OSTN: variants seen among roughly 807,000 people sequenced by gnomAD.
OSTN encodes osteocrin.
Under a neutral mutation model 12.0 loss-of-function variants are expected in OSTN, and 9 were observed. That is an observed-to-expected ratio of 0.75 (90% CI 0.45 to 1.30). OSTN has a LOEUF of 1.30. OSTN is among the 50% of genes most tolerant of loss of function. OSTN has a pLI of 0.00. For missense variants in OSTN, 148 were observed against 152.3 expected (o/e 0.97, Z 0.15); for synonymous variants, 59 against 56.9 (o/e 1.04, Z -0.16).
chr3:191,238,609 G>C (rs758358558), intron 3 of OSTN, among the ~76,000 whole-genome samples: 1 of 152,216 alleles, frequency 6.6e-6, no homozygotes, highest in Non-Finnish European at 1.5e-5. Flanking sequence ...TATTGACTCA[G>C]TTCCCGAACT....
chr3:191,260,760 A>C (rs1210267780), intron 4 of OSTN, among the ~76,000 whole-genome samples: 1 of 152,160 alleles, frequency 6.6e-6, no homozygotes, highest in African/African-American at 2.4e-5. Context: ...TCAGATGTCA[A>C]GCTCTCCAGG....
Position 191,232,331 on chromosome 3 carries a change from T to TAAAAAAAAAAAAAAAAA in OSTN, c.317+13384_317+13400dup, listed in dbSNP as rs61313474. On this transcript the variant is annotated intron_variant, in intron 3 of 4. Coordinates refer to ENST00000682035, the MANE Select transcript of OSTN (RefSeq NM_198184.2). ...CTGGGTGACAGAGGGAGACTCTGTC[T>TAAAAAAAAAAAAAAAAA]AAAAAAAAAAAAAAAAAAAAAAAAA... Among the ~76,000 whole-genome samples, 12 of 67,486 alleles carry TAAAAAAAAAAAAAAAAA rather than the reference T, an allele frequency of 1.8e-4. 1 individual carries two copies. The highest frequency in any genetic ancestry group is 1.1e-3 in the African/African-American group (12 of 11,378). The allele number at this position is 67,486 out of a possible 152,430, so 44.3% of individuals were successfully genotyped here. A position where few individuals can be genotyped will look rare whatever the true frequency, so the allele number is the denominator to read the frequency against.
chr3:191,229,738 T>C (rs9831326), intron 3 of OSTN: 57,240 of 151,944 alleles, frequency 0.38, 12,881 homozygotes, highest in African/African-American at 0.62. Flanking sequence ...AAGAACTTTA[T>C]GGGAACAAAT....
intron 3 of OSTN, among the ~76,000 whole-genome samples, chr3:191,228,493 C>A (rs1179007057): frequency 1.3e-5 from 2 of 152,098 alleles, no homozygotes; most frequent in Non-Finnish European, 2.9e-5. Context: ...TACTAAAATC[C>A]TGTTTATTTG....
chr3:191,242,288 C>T (rs1241171559), intron 3 of OSTN, among the ~76,000 whole-genome samples: 1 of 152,128 alleles, frequency 6.6e-6, no homozygotes, highest in Non-Finnish European at 1.5e-5. Flanking sequence ...ACAAAAAGGT[C>T]TTTTGGAGAA....
At chr3:191,201,114 T>G (rs1044830547) in intron 1 of OSTN, among the ~76,000 whole-genome samples, 3 of 152,134 alleles carry the variant, frequency 2.0e-5, no homozygotes, top group African/African-American at 7.2e-5. Context: ...TATTTATTTT[T>G]TTTAGCTAGC....
At chr3:191,201,048 C>A (rs983630063) in intron 1 of OSTN, among the ~76,000 whole-genome samples, 2 of 152,082 alleles carry the variant, frequency 1.3e-5, no homozygotes, top group African/African-American at 2.4e-5. Context: ...TTAAATGAAC[C>A]AACTCTCCAA....
In OSTN at chr3:191,241,167, C is replaced by CTTTTTTTTTTTTTTTTTT; in HGVS notation, c.318-8858_318-8841dup. Among the ~76,000 whole-genome samples the CTTTTTTTTTTTTTTTTTT allele has an allele frequency of 1.1e-3, 51 of 46,466 alleles. 21 individuals carry two copies. Among genetic ancestry groups the CTTTTTTTTTTTTTTTTTT allele is most frequent in the Non-Finnish European group, 2.2e-3 (45 of 20,218 alleles). The allele number at this position is 46,466 out of a possible 152,430, so 30.5% of individuals were successfully genotyped here. Reference sequence around the variant, plus strand: ...AAGTTGGTGGAGCTCTGTGCCTTGACTTTTTTTTTTTTTTTTTTTTTTTTT... The same window carrying CTTTTTTTTTTTTTTTTTT: ...AAGTTGGTGGAGCTCTGTGCCTTGACTTTTTTTTTTTTTTTTTTTTTTTTTTTTTTTTTTTTTTTTTTT... On this transcript the variant is annotated intron_variant, in intron 3 of 4. Transcript: ENST00000682035.
chr3:191,218,298 T>C (rs1301349251), intron 2 of OSTN, among the ~76,000 whole-genome samples: 1 of 152,122 alleles, frequency 6.6e-6, no homozygotes, highest in African/African-American at 2.4e-5. Context: ...TCCCCAAAGA[T>C]CTAGCACTCT....
chr3:191,218,763 T>A lies in OSTN; in HGVS notation c.119T>A (p.Val40Asp). 1 of 1,613,846 alleles carries A rather than the reference T, an allele frequency of 6.2e-7. No individual in the cohort carries two copies. The highest frequency in any genetic ancestry group is 8.5e-7 in the Non-Finnish European group (1 of 1,179,908). Residue 40 changes from valine to aspartate, a missense_variant, in exon 3 of 5, where the codon GTC becomes GAC. Coordinates refer to ENST00000682035, the MANE Select transcript of OSTN (RefSeq NM_198184.2). The stretch of plus-strand genomic sequence containing the variant: ...GCCTTATAGGCCTTTGATTCTGGAG[T>A]CATAGATGTGCAGTCAACACCCACA... ...VTTTEAFDSG[V>D]IDVQSTPTVR... is the part of the protein sequence containing the mutation.
intron 2 of OSTN, among the ~76,000 whole-genome samples, chr3:191,214,452 A>C (rs1438491664): frequency 6.6e-6 from 1 of 150,870 alleles, no homozygotes; most frequent in Non-Finnish European, 1.5e-5. Flanking sequence ...AAAAAAAAAA[A>C]AAAAAAAAAA....
At chr3:191,230,180 A>C (rs563315138) in intron 3 of OSTN, among the ~76,000 whole-genome samples, 3 of 152,290 alleles carry the variant, frequency 2.0e-5, no homozygotes, top group Admixed American at 2.0e-4. Context: ...ACATTTTGAC[A>C]CACAAAATTA....
intron 4 of OSTN, 45 bp downstream of exon 4, chr3:191,250,178 T>A: frequency 7.2e-7 from 1 of 1,396,298 alleles, no homozygotes; most frequent in Non-Finnish European, 1.0e-6. Context: ...GGTATTTGAT[T>A]AATATTTCAC....
At chr3:191,210,233 G>C (rs1278373963) in intron 1 of OSTN, among the ~76,000 whole-genome samples, 1 of 152,144 alleles carries the variant, frequency 6.6e-6, no homozygotes, top group African/African-American at 2.4e-5. Flanking sequence ...GCACCAAAGG[G>C]AAAATCTGCC....
chr3:191,247,828 C>G (rs1715467382), intron 3 of OSTN, among the ~76,000 whole-genome samples: 1 of 152,114 alleles, frequency 6.6e-6, no homozygotes, highest in African/African-American at 2.4e-5. Flanking sequence ...ATTCTCCATA[C>G]TTTCCCAGAC....
rs367971620 is a variant in OSTN, at chr3:191,201,373, A to G, written c.-1+2066A>G. Among the ~76,000 whole-genome samples the G allele has an allele frequency of 1.1e-4, 16 of 152,286 alleles. No individual in the cohort carries two copies. In the East Asian group the frequency reaches 1.5e-3, roughly 15 times the overall value. The stretch of plus-strand genomic sequence containing the variant: ...CTTTCTCCATCTATTAATTGTGGAT[A>G]TTAAATTTGACAATTTTTAATGATT... On this transcript the variant is annotated intron_variant, in intron 1 of 4. Coordinates refer to ENST00000682035, the MANE Select transcript of OSTN (RefSeq NM_198184.2).
chr3:191,253,185 T>G (rs528746754), intron 4 of OSTN, among the ~76,000 whole-genome samples: 1 of 152,350 alleles, frequency 6.6e-6, no homozygotes, highest in South Asian at 2.1e-4. Flanking sequence ...TTTACAAAAA[T>G]CTTTGTTTCA....
At chr3:191,246,644 A>G (rs1715439249) in intron 3 of OSTN, among the ~76,000 whole-genome samples, 1 of 151,374 alleles carries the variant, frequency 6.6e-6, no homozygotes, top group Non-Finnish European at 1.5e-5. Flanking sequence ...GAAAAGAAGA[A>G]GAGGAAGGGA....
chr3:191,256,795 A>C (rs1398765259), intron 4 of OSTN, among the ~76,000 whole-genome samples: 1 of 152,090 alleles, frequency 6.6e-6, no homozygotes, highest in East Asian at 1.9e-4. Context: ...AATCCATACA[A>C]TTTCAGTTTT....
Sources: gnomAD v4.1 joint callset for allele counts (sites outside exome capture counted in the v4.1 genomes callset) on GRCh38, gnomAD v4.1.1 for gene constraint, MANE v1.5 for transcripts, NCBI Gene and HGNC (gene_info 2026-07-23, HGNC 2026-07-21) for gene names.